AGBL1: variants seen among roughly 807,000 people sequenced by gnomAD.
AGBL1 encodes the protein AGBL carboxypeptidase 1, also known as cytosolic carboxypeptidase 4.
A neutral mutation model predicts 118.9 loss-of-function variants in AGBL1; 130 were observed. The observed-to-expected ratio is 1.09, with a 90% CI of 0.95 to 1.26. The LOEUF is 1.26. Ranked by LOEUF, AGBL1 falls within the 50% of genes most tolerant of loss-of-function variation. The pLI is 0.00. For synonymous variants in AGBL1, 555 were observed against 478.9 expected (o/e 1.16, Z -2.08); for missense variants, 1,584 against 1,298.1 (o/e 1.22, Z -3.38).
intron 23 of AGBL1, among the ~76,000 whole-genome samples, chr15:86,961,788 G>A (rs1216568358): frequency 6.6e-6 from 1 of 152,050 alleles, no homozygotes; most frequent in African/African-American, 2.4e-5. Flanking sequence ...CACACATTCA[G>A]GTGCATCTGC....
intron 17 of AGBL1, among the ~76,000 whole-genome samples, chr15:86,351,017 C>A (rs2080617273): frequency 1.3e-5 from 2 of 152,222 alleles, no homozygotes; most frequent in African/African-American, 2.4e-5. Context: ...AAAAGCCTGT[C>A]TTAAATTTCT....
chr15:86,483,550 G>T (rs1441117449), intron 18 of AGBL1, among the ~76,000 whole-genome samples: 1 of 152,002 alleles, frequency 6.6e-6, no homozygotes, highest in Non-Finnish European at 1.5e-5. Context: ...TGACCAAGAG[G>T]GTGTCCCTTC....
chr15:87,013,535 T>C, intron 24 of AGBL1, among the ~76,000 whole-genome samples: 1 of 12,252 alleles, frequency 8.2e-5, no homozygotes, highest in South Asian at 0.042. Context: ...TTTGAATAGT[T>C]TTTTTTTTTT....
chr15:87,021,723 T>C (rs1441081314), intron 24 of AGBL1, among the ~76,000 whole-genome samples: 2 of 151,916 alleles, frequency 1.3e-5, no homozygotes, highest in Non-Finnish European at 2.9e-5. Context: ...GACATGTGTT[T>C]TCAACTCCTA....
chr15:86,289,637 T>C (rs1021293904), intron 16 of AGBL1, among the ~76,000 whole-genome samples: 2 of 152,202 alleles, frequency 1.3e-5, no homozygotes, highest in African/African-American at 2.4e-5. Context: ...CCTCCATTCC[T>C]TGGCTCATGG....
chr15:86,097,851 GAT>G (rs1309687896), intron 1 of AGBL1, among the ~76,000 whole-genome samples: 1 of 152,042 alleles, frequency 6.6e-6, no homozygotes, highest in Non-Finnish European at 1.5e-5. Flanking sequence ...AGAATTGCTG[GAT>G]CATATGGTAG....
intron 22 of AGBL1, among the ~76,000 whole-genome samples, chr15:86,765,747 A>G (rs2078088958): frequency 6.6e-6 from 1 of 151,290 alleles, no homozygotes; most frequent in Non-Finnish European, 1.5e-5. Context: ...TGTAGATGTT[A>G]TCTTATTGGA....
At chr15:86,776,762 G>A (rs879774714) in intron 22 of AGBL1, among the ~76,000 whole-genome samples, 14,709 of 138,544 alleles carry the variant, frequency 0.11, 761 homozygotes, top group South Asian at 0.14. Context: ...GTGTGTGTGT[G>A]TGTGTGTGTG....
At chr15:86,168,277 A>C (rs2077369474) in intron 5 of AGBL1, among the ~76,000 whole-genome samples, 1 of 152,170 alleles carries the variant, frequency 6.6e-6, no homozygotes, top group Non-Finnish European at 1.5e-5. Flanking sequence ...ATTAGCAAGG[A>C]GGAACTCACT....
At chr15:86,150,627 A>T (rs1472396851) in intron 3 of AGBL1, among the ~76,000 whole-genome samples, 2 of 151,954 alleles carry the variant, frequency 1.3e-5, no homozygotes, top group Non-Finnish European at 2.9e-5. Context: ...TTGAAGCAAT[A>T]AATAGCCTAC....
intron 21 of AGBL1, among the ~76,000 whole-genome samples, chr15:86,654,164 A>G (rs1449302985): frequency 6.6e-6 from 1 of 152,052 alleles, no homozygotes; most frequent in Non-Finnish European, 1.5e-5. Flanking sequence ...CATGTACCTG[A>G]GTGAAAAAGG....
intron 22 of AGBL1, among the ~76,000 whole-genome samples, chr15:86,842,914 C>T (rs1426735839): frequency 6.6e-6 from 1 of 152,098 alleles, no homozygotes; most frequent in Non-Finnish European, 1.5e-5. Flanking sequence ...CCTTTGCTTC[C>T]TTAATGATCT....
At chr15:86,878,811 C>G (rs867975487) in intron 22 of AGBL1, among the ~76,000 whole-genome samples, 50 of 152,360 alleles carry the variant, frequency 3.3e-4, no homozygotes, top group Admixed American at 1.2e-3. Flanking sequence ...CCTGGTCTTC[C>G]TCCCATAACC....
intron 16 of AGBL1, among the ~76,000 whole-genome samples, chr15:86,290,170 A>C (rs1214444494): frequency 6.6e-6 from 1 of 152,112 alleles, no homozygotes; most frequent in Non-Finnish European, 1.5e-5. Flanking sequence ...GATAATGTGT[A>C]CTGTCTCCCT....
At chr15:86,198,200 A>T (rs1325448948) in intron 5 of AGBL1, among the ~76,000 whole-genome samples, 1 of 152,118 alleles carries the variant, frequency 6.6e-6, no homozygotes, top group Non-Finnish European at 1.5e-5. Flanking sequence ...CTGATTTCTC[A>T]CTTTTGGAAT....
intron 21 of AGBL1, among the ~76,000 whole-genome samples, chr15:86,616,366 AAAAAAAT>A (rs2084725612): frequency 1.3e-5 from 2 of 150,902 alleles, no homozygotes; most frequent in Non-Finnish European, 2.9e-5. Flanking sequence ...AAAAAAAAAA[AAAAAAAT>A]GAAGATGGAA....
intron 23 of AGBL1, chr15:86,939,118 A>C (rs190968391): frequency 6.6e-6 from 1 of 152,498 alleles, no homozygotes; most frequent in East Asian, 1.9e-4. Context: ...TTGAGTGTCA[A>C]CTTGATTGGA....
chr15:86,962,872 A>C (rs2081007002), intron 23 of AGBL1, among the ~76,000 whole-genome samples: 1 of 152,110 alleles, frequency 6.6e-6, no homozygotes, highest in African/African-American at 2.4e-5. Flanking sequence ...GTGCACAAAA[A>C]GTTTGAGAAA....
chr15:86,311,014 C>G (rs890157920), intron 17 of AGBL1, among the ~76,000 whole-genome samples: 1 of 152,166 alleles, frequency 6.6e-6, no homozygotes, highest in Non-Finnish European at 1.5e-5. Flanking sequence ...GTGGGCCCCG[C>G]GCTTCACTCC....
Sources: gnomAD v4.1 joint callset for allele counts (sites outside exome capture counted in the v4.1 genomes callset) on GRCh38, gnomAD v4.1.1 for gene constraint, MANE v1.5 for transcripts, NCBI Gene and HGNC (gene_info 2026-07-23, HGNC 2026-07-21) for gene names.